COL25A1: variants seen among roughly 807,000 people sequenced by gnomAD.
COL25A1 encodes the protein collagen type XXV alpha 1 chain, also known as collagen alpha-1(XXV) chain.
Under a neutral mutation model 128.4 loss-of-function variants are expected in COL25A1, and 103 were observed. The ratio of observed to expected loss-of-function variants is 0.80; its 90% CI spans 0.68 to 0.94. The LOEUF (loss-of-function observed/expected upper bound fraction) is 0.94. COL25A1 is among the 40% of genes least tolerant of loss of function. COL25A1 has a pLI of 0.00. For missense variants in COL25A1, 745 were observed against 840.0 expected (o/e 0.89, Z 1.40); for synonymous variants, 279 against 277.2 (o/e 1.01, Z -0.06).
rs750171706 is a variant in COL25A1 at position 109,231,625 on chromosome 4, GT to G, written c.367+68957del. ...AGCACTGTAGCTCTGCTTGCTTTAT[GT>G]TTTTAAGCTACTCTAAATTCTATCC... On this transcript the variant is annotated intron_variant, in intron 3 of 37. Transcript: ENST00000399132. Among the ~76,000 whole-genome samples the G allele has an allele frequency of 1.4e-3, 210 of 152,270 alleles. 1 individual carries two copies. Among genetic ancestry groups the G allele is most frequent in the Non-Finnish European group, 2.0e-3 (136 of 68,008 alleles).
At chr4:109,180,596 C>T (rs570822937) in intron 3 of COL25A1, among the ~76,000 whole-genome samples, 6 of 151,802 alleles carry the variant, frequency 4.0e-5, no homozygotes, top group Admixed American at 6.6e-5. Flanking sequence ...GTGGTGATAA[C>T]GATGATGATT....
rs577667865 is a variant in COL25A1 at position 109,196,020 on chromosome 4, A to G, written c.367+104563T>C. ...TGTCCTGCCCCTGAAATAGCAACAG[A>G]AGCGAAGAAGGTAATTGACCAAAGA... On this transcript the variant is annotated intron_variant, in intron 3 of 37. Coordinates refer to ENST00000399132, the MANE Select transcript of COL25A1 (RefSeq NM_198721.4). Among the ~76,000 whole-genome samples the G allele has an allele frequency of 2.3e-3, 343 of 152,288 alleles. 1 individual carries two copies. The highest frequency in any genetic ancestry group is 7.6e-3 in the African/African-American group (315 of 41,564).
At chr4:108,932,332 A>G (rs1465860478) in intron 11 of COL25A1, among the ~76,000 whole-genome samples, 2 of 152,226 alleles carry the variant, frequency 1.3e-5, no homozygotes, top group African/African-American at 4.8e-5. Context: ...AAAACATTAT[A>G]TTCACTTCAC....
intron 3 of COL25A1, among the ~76,000 whole-genome samples, chr4:109,124,831 A>G (rs1204598858): frequency 6.6e-6 from 1 of 152,062 alleles, no homozygotes; most frequent in East Asian, 1.9e-4. Flanking sequence ...TTCTTTGGGT[A>G]GAAAAACATA....
In COL25A1 at chr4:108,911,553, C is replaced by A. The variant is rs182593618; in HGVS notation, c.780+6619G>T. ...CTGTAAACTCAGTGTTCAGTTGGTG[C>A]CTCACACTTAGTGAGGGCTAAATAA... On this transcript the variant is annotated intron_variant, in intron 13 of 37. Transcript: ENST00000399132. Among the ~76,000 whole-genome samples the A allele has an allele frequency of 7.5e-3, 1,136 of 152,260 alleles. 9 individuals are homozygous for A. Among genetic ancestry groups the A allele is most frequent in the African/African-American group, 0.026 (1,061 of 41,550 alleles).
chr4:109,065,532 A>ACGCGCGCGCGCGCG (rs560432083), intron 3 of COL25A1, among the ~76,000 whole-genome samples: 22 of 126,524 alleles, frequency 1.7e-4, no homozygotes, highest in African/African-American at 5.7e-4. Context: ...TTGGTGCAGC[A>ACGCGCGCGCGCGCG]CGCGCGCGCG....
intron 3 of COL25A1, among the ~76,000 whole-genome samples, chr4:109,205,211 A>G (rs1424789158): frequency 6.6e-6 from 1 of 152,232 alleles, no homozygotes; most frequent in African/African-American, 2.4e-5. Flanking sequence ...TAAAACAATC[A>G]TAGAGTTGAT....
intron 3 of COL25A1, among the ~76,000 whole-genome samples, chr4:109,127,766 G>A (rs1030169251): frequency 3.3e-5 from 5 of 152,148 alleles, no homozygotes; most frequent in Non-Finnish European, 5.9e-5. Context: ...TTTCCTTGGC[G>A]TGAGACAACG....
Position 108,878,735 on chromosome 4 carries a change from C to CT in COL25A1, c.1020+5442dup, listed in dbSNP as rs934174879. Among the ~76,000 whole-genome samples, 5 of 151,470 alleles carry CT rather than the reference C, an allele frequency of 3.3e-5. No homozygotes were observed. The East Asian group carries it at 5.8e-4, about 18-fold the overall frequency. On this transcript the variant is annotated intron_variant, in intron 19 of 37. Transcript: ENST00000399132. ...AAATCCAGAAAACATACCTTTCTGACTTTTTTTTTCTTAACTGGCTTACAT... is the reference window on the plus strand; with the variant it reads ...AAATCCAGAAAACATACCTTTCTGACTTTTTTTTTTCTTAACTGGCTTACAT...
intron 3 of COL25A1, among the ~76,000 whole-genome samples, chr4:109,280,702 G>C (rs534619258): frequency 6.6e-6 from 1 of 151,814 alleles, no homozygotes; most frequent in South Asian, 2.1e-4. Flanking sequence ...GCCCAGGCTG[G>C]AGCGCAATGG....
At chr4:108,974,432 A>G in intron 7 of COL25A1, 39 bp from the exon 8 acceptor site, 1 of 1,612,814 alleles carries the variant, frequency 6.2e-7, no homozygotes. Context: ...TTTAGCCAAA[A>G]TTTATACATG....
chr4:109,013,870 C>G (rs1554000004), intron 5 of COL25A1, among the ~76,000 whole-genome samples: 1 of 152,186 alleles, frequency 6.6e-6, no homozygotes, highest in Non-Finnish European at 1.5e-5. Context: ...TTCTTGAAGT[C>G]AGTGAGACCA....
intron 4 of COL25A1, among the ~76,000 whole-genome samples, chr4:109,048,571 C>A (rs1337556652): frequency 6.6e-6 from 1 of 151,996 alleles, no homozygotes; most frequent in Admixed American, 6.6e-5. Flanking sequence ...GATAAAACAG[C>A]CAAATGAGAA....
At chr4:109,106,246 C>T (rs577055651) in intron 3 of COL25A1, among the ~76,000 whole-genome samples, 5 of 152,288 alleles carry the variant, frequency 3.3e-5, no homozygotes, top group African/African-American at 1.2e-4. Flanking sequence ...TGACACCAGC[C>T]ACAAGCACCA....
chr4:109,270,744 A>C (rs1320309782), intron 3 of COL25A1, among the ~76,000 whole-genome samples: 1 of 152,166 alleles, frequency 6.6e-6, no homozygotes, highest in Non-Finnish European at 1.5e-5. Context: ...TTACTCAGTA[A>C]ATATTTTTTG....
At chr4:109,053,141 CAG>C (rs1271536747) in intron 3 of COL25A1, among the ~76,000 whole-genome samples, 8 of 152,188 alleles carry the variant, frequency 5.3e-5, no homozygotes, top group South Asian at 2.1e-4. Flanking sequence ...TTACAGAAAA[CAG>C]AGAGAGACGA....
At chr4:108,988,701 T>C (rs755503717) in intron 6 of COL25A1, among the ~76,000 whole-genome samples, 4 of 152,232 alleles carry the variant, frequency 2.6e-5, no homozygotes, top group Non-Finnish European at 5.9e-5. Context: ...CCTGAAACCA[T>C]GGCAAATGCT....
chr4:109,105,173 G>A (rs955063297), intron 3 of COL25A1, among the ~76,000 whole-genome samples: 2 of 152,094 alleles, frequency 1.3e-5, no homozygotes, highest in Non-Finnish European at 2.9e-5. Context: ...ATAATTTTCT[G>A]TAATAAAAAG....
At chr4:109,219,665 A>G (rs1281525595) in intron 3 of COL25A1, among the ~76,000 whole-genome samples, 1 of 152,186 alleles carries the variant, frequency 6.6e-6, no homozygotes, top group Non-Finnish European at 1.5e-5. Flanking sequence ...TAAACTTAAC[A>G]GGAAATTATA....
Sources: gnomAD v4.1 joint callset for allele counts (sites outside exome capture counted in the v4.1 genomes callset) on GRCh38, gnomAD v4.1.1 for gene constraint, MANE v1.5 for transcripts, NCBI Gene and HGNC (gene_info 2026-07-23, HGNC 2026-07-21) for gene names.